Variants in NEDD8 observed in about 807,000 individuals in gnomAD.
The protein encoded by NEDD8 is NEDD8 ubiquitin like modifier.
In NEDD8, 1 loss-of-function variant was observed where a neutral mutation model predicts 13.8. That is an observed-to-expected ratio of 0.07 (90% CI 0.03 to 0.34). The LOEUF (loss-of-function observed/expected upper bound fraction) is 0.34. Among genes scored for constraint, NEDD8 ranks in the 10% least tolerant of loss-of-function variants. The pLI is 0.99. For synonymous variants in NEDD8, 31 were observed against 33.2 expected (o/e 0.93, Z 0.23); for missense variants, 10 against 95.2 (o/e 0.10, Z 3.73).
chr14:24,227,618 C>A (rs1361310872), intron 1 of NEDD8: 1 of 152,094 alleles, frequency 6.6e-6, no homozygotes, highest in African/African-American at 2.4e-5. Flanking sequence ...ATTCCAGACA[C>A]CTGAATGATT....
intron 1 of NEDD8, among the ~76,000 whole-genome samples, chr14:24,229,252 C>T (rs1025294831): frequency 1.3e-5 from 2 of 152,206 alleles, no homozygotes; most frequent in Non-Finnish European, 2.9e-5. Flanking sequence ...GACAGTCTCA[C>T]TCTGTTGCCC....
At chr14:24,223,991 G>A (rs113371515) in intron 1 of NEDD8, among the ~76,000 whole-genome samples, 3 of 151,748 alleles carry the variant, frequency 2.0e-5, no homozygotes, top group Non-Finnish European at 4.4e-5. Context: ...GCAGTAGCAC[G>A]ATCTCGGCTC....
chr14:24,226,359 T>C (rs1594491090), intron 1 of NEDD8, among the ~76,000 whole-genome samples: 1 of 144,888 alleles, frequency 6.9e-6, no homozygotes, highest in South Asian at 2.2e-4. Flanking sequence ...CTAGGCATGG[T>C]GGACGCTTGA....
intron 1 of NEDD8, among the ~76,000 whole-genome samples, chr14:24,231,383 G>A (rs2040014270): frequency 6.6e-6 from 1 of 150,544 alleles, no homozygotes; most frequent in African/African-American, 2.4e-5. Context: ...TATTATGTAC[G>A]GTAAATATGC....
chr14:24,217,020 A>G lies in NEDD8; in HGVS notation c.*107T>C, dbSNP rs1352719190. On this transcript the variant is annotated 3_prime_UTR_variant, in exon 4 of 4. Transcript: ENST00000250495. Reference sequence around the variant, plus strand: ...AGTCTCCCACCAGTAGACATACATTACTGGGCATCCAGGGGAGGGGGCAGT... The same window carrying G: ...AGTCTCCCACCAGTAGACATACATTGCTGGGCATCCAGGGGAGGGGGCAGT... 2.3e-6 allele frequency: 2 copies of G among 858,570 alleles called. No homozygotes were observed. Among genetic ancestry groups the G allele is most frequent in the African/African-American group, 3.4e-5 (2 of 58,628 alleles). 53.2% of individuals were successfully genotyped at this position (858,570 alleles called of 1,614,324 possible).
In NEDD8 at chr14:24,220,705, G is replaced by T. The variant is rs373672465; in HGVS notation, c.19-2274C>A. On this transcript the variant is annotated intron_variant, in intron 1 of 3. Coordinates refer to ENST00000250495, the MANE Select transcript of NEDD8 (RefSeq NM_006156.3). ...ATCCTCCCAGTATTTATGAGATATG[G>T]ACTATTACTATTTCCATTTTATAGA... 1.5e-3 allele frequency among the ~76,000 whole-genome samples: 232 copies of T among 152,252 alleles called. 1 individual carries two copies. Among genetic ancestry groups the T allele is most frequent in the African/African-American group, 5.5e-3 (227 of 41,552 alleles).
At chr14:24,223,085 CAAAAAAAAA>C (rs71426836) in intron 1 of NEDD8, among the ~76,000 whole-genome samples, 33 of 75,618 alleles carry the variant, frequency 4.4e-4, no homozygotes, top group East Asian at 1.1e-3. Context: ...GACTGCATTT[CAAAAAAAAA>C]AAAAAAAAAA....
intron 1 of NEDD8, among the ~76,000 whole-genome samples, chr14:24,219,232 C>T (rs936680936): frequency 1.4e-4 from 21 of 151,318 alleles, no homozygotes; most frequent in South Asian, 1.0e-3. Context: ...GAGACTGAGG[C>T]GGGAGGATCA....
chr14:24,219,684 T>C (rs898384338), intron 1 of NEDD8, among the ~76,000 whole-genome samples: 3 of 152,188 alleles, frequency 2.0e-5, no homozygotes, highest in African/African-American at 7.2e-5. Flanking sequence ...TCTTCTCCCA[T>C]CTGTCCTTGC....
rs983193711 is a variant in NEDD8, at chr14:24,217,581, C to T, written c.150-358G>A. The stretch of plus-strand genomic sequence containing the variant: ...CTGGGATTACAGGCGTGAGCCACTG[C>T]GCCCGGCCAGAACAGGAGTTCTTGA... On this transcript the variant is annotated intron_variant, in intron 3 of 3. Transcript: ENST00000250495. 5 of 204,734 alleles carry T rather than the reference C, an allele frequency of 2.4e-5. No individual in the cohort carries two copies. In the East Asian group the frequency reaches 5.3e-4, roughly 22 times the overall value. 12.7% of individuals were successfully genotyped at this position (204,734 alleles called of 1,614,324 possible). A position where few individuals can be genotyped will look rare whatever the true frequency, so the allele number is the denominator to read the frequency against.
chr14:24,218,497 A>G, intron 1 of NEDD8, 66 bp from the exon 2 acceptor site: 1 of 1,611,754 alleles, frequency 6.2e-7, no homozygotes, highest in Non-Finnish European at 8.5e-7. Context: ...TAGGTAAAAC[A>G]TCCTATGTTG....
intron 1 of NEDD8, among the ~76,000 whole-genome samples, chr14:24,222,239 A>G (rs1779313218): frequency 6.6e-6 from 1 of 152,228 alleles, no homozygotes. Flanking sequence ...TTATGGTACA[A>G]TCATAGAAAA....
chr14:24,225,261 G>C (rs1463376848), intron 1 of NEDD8, among the ~76,000 whole-genome samples: 1 of 151,780 alleles, frequency 6.6e-6, no homozygotes, highest in African/African-American at 2.4e-5. Flanking sequence ...AGAAAAAAAT[G>C]GGAAAAAGGA....
rs765429554 is a variant in NEDD8, at chr14:24,219,920, A to G, written c.19-1489T>C. 3.0e-4 allele frequency among the ~76,000 whole-genome samples: 46 copies of G among 152,144 alleles called. 1 individual carries two copies. The highest frequency in any genetic ancestry group is 5.7e-4 in the Non-Finnish European group (39 of 68,030). ...TTTGGGAAGCTGAGGTGGGTGGATTACCTGAGGTTGGGAGTTCAAGACCAG... is the reference window on the plus strand; with the variant it reads ...TTTGGGAAGCTGAGGTGGGTGGATTGCCTGAGGTTGGGAGTTCAAGACCAG... On this transcript the variant is annotated intron_variant, in intron 1 of 3. Transcript: ENST00000250495.
At chr14:24,227,632 G>A (rs1175099327) in intron 1 of NEDD8, 1 of 152,212 alleles carries the variant, frequency 6.6e-6, no homozygotes, top group East Asian at 1.9e-4. Context: ...AATGATTGAT[G>A]GGATTAATAC....
chr14:24,230,550 A>AT (rs1403278633), intron 1 of NEDD8, among the ~76,000 whole-genome samples: 125 of 149,246 alleles, frequency 8.4e-4, no homozygotes, highest in African/African-American at 3.0e-3. Context: ...AAAAAAAAAA[A>AT]AAAATCATAA....
At chr14:24,231,494 T>G (rs376291213) in intron 1 of NEDD8, among the ~76,000 whole-genome samples, 99 of 67,548 alleles carry the variant, frequency 1.5e-3, no homozygotes, top group South Asian at 2.9e-3. Flanking sequence ...GAGGGGGGCG[T>G]GGGGGGGGGG....
In NEDD8 at chr14:24,217,275, T is replaced by C. The variant is rs531521606; in HGVS notation, c.150-52A>G. The C allele has an allele frequency of 8.5e-3, 3,606 of 426,284 alleles. 7 individuals carry two copies. Among genetic ancestry groups the C allele is most frequent in the Admixed American group, 0.012 (114 of 9,882 alleles). 26.4% of individuals were successfully genotyped at this position (426,284 alleles called of 1,614,324 possible). A position where few individuals can be genotyped will look rare whatever the true frequency, so the allele number is the denominator to read the frequency against. ...AAGAAAAAGAAGACTTAGGAGTTTT[T>C]TGTTGTTGTTGTTGTTGTTGTTGTT... On this transcript the variant is annotated intron_variant, in intron 3 of 3. Transcript: ENST00000250495.
intron 1 of NEDD8, among the ~76,000 whole-genome samples, chr14:24,220,516 A>C (rs557710035): frequency 3.9e-5 from 6 of 152,010 alleles, no homozygotes; most frequent in Non-Finnish European, 8.8e-5. Context: ...TGTAGAGACG[A>C]GTTCTGTGTT....
Sources: allele counts gnomAD v4.1 joint callset (sites outside exome capture counted in the v4.1 genomes callset), GRCh38; gene constraint gnomAD v4.1.1; transcripts MANE v1.5; gene names NCBI Gene and HGNC (gene_info 2026-07-23, HGNC 2026-07-21).